Variants in TEX11 observed in about 807,000 individuals in gnomAD.
TEX11 encodes the protein testis expressed 11.
TEX11 carries 7 observed loss-of-function variants against 84.4 expected under a neutral mutation model. The ratio of observed to expected loss-of-function variants is 0.08; its 90% CI spans 0.05 to 0.16. The LOEUF (loss-of-function observed/expected upper bound fraction) is 0.16. Ranked by LOEUF, TEX11 falls within the 10% of genes least tolerant of loss-of-function variation. The pLI is 1.00. For synonymous variants in TEX11, 264 were observed against 222.8 expected, an observed-to-expected ratio of 1.18 and a Z score of -1.64; for missense variants, 551 against 660.5, an observed-to-expected ratio of 0.83 and a Z score of 1.82.
At chrX:70,762,075 T>C (rs1217333984) in intron 9 of TEX11, among the ~76,000 whole-genome samples, 1 of 111,681 alleles carries the variant, frequency 9.0e-6, no homozygotes, top group Non-Finnish European at 1.9e-5. Context: ...CCTTTAAACA[T>C]GAAGGAGAAA....
intron 16 of TEX11, among the ~76,000 whole-genome samples, chrX:70,659,213 T>C (rs996024302): frequency 8.9e-6 from 1 of 111,954 alleles, no homozygotes; most frequent in African/African-American, 3.2e-5. Flanking sequence ...TAAATGGGCC[T>C]CATCAAAAAT....
chrX:70,791,624 A>C (rs758222911), intron 9 of TEX11, among the ~76,000 whole-genome samples: 1 of 111,866 alleles, frequency 8.9e-6, no homozygotes, highest in African/African-American at 3.3e-5. Context: ...GCACATCTCA[A>C]TGAATTCAAA....
chrX:70,897,654 AGGAAGGAAGG>A (rs2091777565), intron 2 of TEX11: 1 of 93,623 alleles, frequency 1.1e-5, no homozygotes, highest in African/African-American at 4.2e-5. Context: ...GAAGGAAGGA[AGGAAGGAAGG>A]AAAACAAAGA....
At chrX:70,625,062 T>A (rs1312316598) in intron 18 of TEX11, 138 bp from the exon 19 acceptor site, 7 of 467,610 alleles carry the variant, frequency 1.5e-5, no homozygotes, top group Non-Finnish European at 2.4e-5. Flanking sequence ...TACTGCAAGA[T>A]GGTAGAATGA....
chrX:70,848,624 G>A (rs775044819), intron 7 of TEX11, among the ~76,000 whole-genome samples: 136 of 111,839 alleles, frequency 1.2e-3, no homozygotes, highest in Non-Finnish European at 1.4e-3. Context: ...AGATTCATTT[G>A]TACCACACAC....
intron 16 of TEX11, among the ~76,000 whole-genome samples, chrX:70,666,324 G>A (rs1299998529): frequency 8.9e-6 from 1 of 111,846 alleles, no homozygotes; most frequent in Non-Finnish European, 1.9e-5. Context: ...AGGGATGCAG[G>A]AAAGAGGTAA....
chrX:70,704,050 C>T (rs755127012), intron 13 of TEX11, among the ~76,000 whole-genome samples: 2 of 110,248 alleles, frequency 1.8e-5, no homozygotes, highest in Admixed American at 1.9e-4. Context: ...GGAGTTCTCA[C>T]GAGATCTGGT....
At chrX:70,841,933 A>G (rs2091447457) in intron 7 of TEX11, among the ~76,000 whole-genome samples, 1 of 112,026 alleles carries the variant, frequency 8.9e-6, no homozygotes, top group South Asian at 3.8e-4. Context: ...TAAACCAGGA[A>G]GAAGTTGAAT....
intron 16 of TEX11, among the ~76,000 whole-genome samples, chrX:70,660,704 TTAATTTTGTTTTA>T (rs1001196261): frequency 2.7e-5 from 3 of 111,748 alleles, no homozygotes; most frequent in African/African-American, 6.5e-5. Context: ...TGTTTTACAG[TTAATTTTGTTTTA>T]TAATTTTGTT....
At chrX:70,904,088 G>A (rs915577427) in intron 2 of TEX11, among the ~76,000 whole-genome samples, 1 of 104,565 alleles carries the variant, frequency 9.6e-6, no homozygotes, top group Non-Finnish European at 1.9e-5. Context: ...CCAAAGTGCT[G>A]CGATTACAGG....
intron 8 of TEX11, among the ~76,000 whole-genome samples, chrX:70,824,849 G>A (rs751904136): frequency 2.7e-5 from 3 of 111,700 alleles, no homozygotes; most frequent in African/African-American, 3.3e-5. Flanking sequence ...TGTTGCATAC[G>A]CAAGACAAAC....
intron 13 of TEX11, among the ~76,000 whole-genome samples, chrX:70,700,626 G>A (rs914149641): frequency 2.5e-4 from 28 of 110,781 alleles, no homozygotes; most frequent in African/African-American, 7.2e-4. Context: ...CCCTACAATG[G>A]CCTCTAAGTG....
intron 8 of TEX11, among the ~76,000 whole-genome samples, chrX:70,832,867 C>G (rs1357078781): frequency 9.0e-6 from 1 of 111,211 alleles, no homozygotes; most frequent in Non-Finnish European, 1.9e-5. Flanking sequence ...TCAACCTTGT[C>G]AGCAGACAAA....
At chrX:70,713,547 C>T (rs767227902) in intron 13 of TEX11, among the ~76,000 whole-genome samples, 19 of 111,934 alleles carry the variant, frequency 1.7e-4, no homozygotes, top group Non-Finnish European at 3.4e-4. Context: ...GGAATTTATC[C>T]ATTTCTTCTA....
intron 13 of TEX11, among the ~76,000 whole-genome samples, chrX:70,713,480 G>A (rs1388050237): frequency 8.9e-6 from 1 of 111,851 alleles, no homozygotes; most frequent in South Asian, 3.7e-4. Flanking sequence ...CCTGTTATTG[G>A]TCTATTCAGA....
chrX:70,679,557 G>T (rs1228959273), intron 14 of TEX11, among the ~76,000 whole-genome samples: 2 of 103,444 alleles, frequency 1.9e-5, no homozygotes, highest in African/African-American at 3.6e-5. Flanking sequence ...CGGCCGCCCC[G>T]TCTGAGAAGT....
At chrX:70,778,785 A>G (rs1302543193) in intron 9 of TEX11, among the ~76,000 whole-genome samples, 1 of 111,700 alleles carries the variant, frequency 9.0e-6, no homozygotes, top group Admixed American at 9.6e-5. Context: ...AAATCATATC[A>G]AGTATCCTTT....
intron 25 of TEX11, among the ~76,000 whole-genome samples, chrX:70,569,381 T>C (rs1603081555): frequency 8.9e-6 from 1 of 111,965 alleles, no homozygotes. Context: ...GTAGTTTGAT[T>C]GTCTGAAGCC....
intron 13 of TEX11, among the ~76,000 whole-genome samples, chrX:70,704,977 G>A (rs2090358389): frequency 9.0e-6 from 1 of 111,672 alleles, no homozygotes; most frequent in African/African-American, 3.2e-5. Flanking sequence ...TTAGTATAAG[G>A]TGTAAGGAAG....
Sources: gnomAD v4.1 joint callset for allele counts (sites outside exome capture counted in the v4.1 genomes callset) on GRCh38, gnomAD v4.1.1 for gene constraint, MANE v1.5 for transcripts, NCBI Gene and HGNC (gene_info 2026-07-23, HGNC 2026-07-21) for gene names.